KCNH8: variants seen among roughly 807,000 people sequenced by gnomAD.
KCNH8 encodes the protein potassium voltage-gated channel subfamily H member 8.
A neutral mutation model predicts 103.6 loss-of-function variants in KCNH8; 70 were observed. The observed-to-expected ratio is 0.68, with a 90% CI of 0.56 to 0.82. KCNH8 has a LOEUF of 0.82. KCNH8 is among the 40% of genes least tolerant of loss of function. The pLI, the probability that KCNH8 is intolerant of heterozygous loss-of-function variation, is 0.00. For synonymous variants in KCNH8, 498 were observed against 489.4 expected (o/e 1.02, Z -0.23); for missense variants, 1,217 against 1,329.9 (o/e 0.92, Z 1.32).
chr3:19,448,902 G>A (rs749410959), intron 8 of KCNH8: 19 of 984,630 alleles, frequency 1.9e-5, no homozygotes, highest in Middle Eastern at 2.5e-4. Flanking sequence ...AAATATGAAC[G>A]TGCTTGACCC....
intron 1 of KCNH8, among the ~76,000 whole-genome samples, chr3:19,157,505 CTT>C (rs2063192154): frequency 6.6e-6 from 1 of 151,948 alleles, no homozygotes; most frequent in African/African-American, 2.4e-5. Context: ...ATTTAGGCCT[CTT>C]GTTTAGCTGT....
intron 11 of KCNH8, among the ~76,000 whole-genome samples, chr3:19,504,500 T>G (rs1400378088): frequency 6.6e-6 from 1 of 151,104 alleles, no homozygotes; most frequent in East Asian, 1.9e-4. Flanking sequence ...CACAAACAAC[T>G]CCACTAAAAA....
rs774419667 is a variant in KCNH8 at position 19,456,717 on chromosome 3, G to C, written c.1826-51G>C. ...GCCTGTAAGTCAAATGAGGTTATCA[G>C]TCCTAAGCTTGCTTTTTTTTTTTGA... On this transcript the variant is annotated intron_variant, in intron 10 of 15. Coordinates refer to ENST00000328405, the MANE Select transcript of KCNH8 (RefSeq NM_144633.3). The C allele has an allele frequency of 3.1e-6, 4 of 1,274,806 alleles. No individual in the cohort carries two copies. The African/African-American group carries it at 5.9e-5, about 19-fold the overall frequency. 79.0% of individuals were successfully genotyped at this position (1,274,806 alleles called of 1,614,324 possible).
intron 3 of KCNH8, among the ~76,000 whole-genome samples, chr3:19,297,549 A>G (rs1401911028): frequency 6.6e-6 from 1 of 152,222 alleles, no homozygotes; most frequent in Admixed American, 6.5e-5. Context: ...TTACAGTGAC[A>G]TATATTCCTA....
intron 3 of KCNH8, among the ~76,000 whole-genome samples, chr3:19,303,401 T>C (rs1013955512): frequency 7.2e-5 from 11 of 152,086 alleles, no homozygotes; most frequent in Admixed American, 5.2e-4. Flanking sequence ...ACTTAATAGA[T>C]CTGAGAAACC....
intron 1 of KCNH8, among the ~76,000 whole-genome samples, chr3:19,235,244 C>T (rs1041515522): frequency 7.2e-5 from 11 of 152,038 alleles, no homozygotes; most frequent in African/African-American, 1.9e-4. Context: ...TGATAGATTT[C>T]AAAAACAAAG....
intron 3 of KCNH8, among the ~76,000 whole-genome samples, chr3:19,324,718 A>G (rs2065397229): frequency 6.6e-6 from 1 of 152,232 alleles, no homozygotes; most frequent in African/African-American, 2.4e-5. Flanking sequence ...TTCCATGCTC[A>G]TGGATAGGAA....
intron 8 of KCNH8, among the ~76,000 whole-genome samples, chr3:19,444,841 C>T (rs2067339141): frequency 6.6e-6 from 1 of 151,862 alleles, no homozygotes; most frequent in Admixed American, 6.6e-5. Context: ...CACTGCAACC[C>T]TAAGTGTTTG....
At chr3:19,255,899 T>C (rs2064340676) in intron 2 of KCNH8, among the ~76,000 whole-genome samples, 1 of 152,134 alleles carries the variant, frequency 6.6e-6, no homozygotes, top group Non-Finnish European at 1.5e-5. Flanking sequence ...AGCAACAAGA[T>C]AGAAGGAACC....
At chr3:19,246,541 CT>C (rs1018604119) in intron 1 of KCNH8, among the ~76,000 whole-genome samples, 2 of 151,944 alleles carry the variant, frequency 1.3e-5, no homozygotes, top group African/African-American at 4.8e-5. Flanking sequence ...TCCCAAAGTG[CT>C]GGGATTACAG....
intron 3 of KCNH8, among the ~76,000 whole-genome samples, chr3:19,288,264 A>C (rs181565853): frequency 1.8e-3 from 236 of 134,354 alleles, no homozygotes; most frequent in Admixed American, 6.9e-3. Context: ...CTTTTGGGGT[A>C]CATGTGCACA....
intron 11 of KCNH8, among the ~76,000 whole-genome samples, chr3:19,482,003 C>T (rs1180205929): frequency 6.6e-6 from 1 of 152,276 alleles, no homozygotes. Context: ...AGACTCACGT[C>T]TCCAAAAACC....
At chr3:19,273,499 A>T (rs2064619842) in intron 2 of KCNH8, among the ~76,000 whole-genome samples, 2 of 152,150 alleles carry the variant, frequency 1.3e-5, no homozygotes, top group Non-Finnish European at 2.9e-5. Flanking sequence ...ATTGGGGCTT[A>T]GTTCTCTTTG....
At chr3:19,478,460 T>C (rs575892979) in intron 11 of KCNH8, among the ~76,000 whole-genome samples, 2 of 152,288 alleles carry the variant, frequency 1.3e-5, no homozygotes, top group Middle Eastern at 3.4e-3. Context: ...TGACTTTTAA[T>C]AATAGCCATT....
chr3:19,513,412 T>C, intron 13 of KCNH8, 87 bp downstream of exon 13: 1 of 1,474,964 alleles, frequency 6.8e-7, no homozygotes, highest in Non-Finnish European at 9.1e-7. Flanking sequence ...TCTGAGCCTT[T>C]CTACTCCACA....
In KCNH8 at chr3:19,170,812, T is replaced by TATA. The variant is rs1559407203; in HGVS notation, c.76+22017_76+22018insATA. Among the ~76,000 whole-genome samples the TATA allele has an allele frequency of 1.3e-4, 13 of 101,512 alleles. 1 individual carries two copies. The highest frequency in any genetic ancestry group is 3.0e-4 in the South Asian group (1 of 3,362). The allele number at this position is 101,512 out of a possible 152,430, so 66.6% of individuals were successfully genotyped here. ...CACATATATATATATATATATATAT[T>TATA]TTTTTTTTTTTTTTTGAGACGAAGT... On this transcript the variant is annotated intron_variant, in intron 1 of 15. Transcript: ENST00000328405.
chr3:19,201,469 T>A (rs1480114551), intron 1 of KCNH8, among the ~76,000 whole-genome samples: 1 of 152,012 alleles, frequency 6.6e-6, no homozygotes, highest in Non-Finnish European at 1.5e-5. Flanking sequence ...ATGCTGTATG[T>A]CCGTTTTATA....
intron 1 of KCNH8, among the ~76,000 whole-genome samples, chr3:19,234,837 A>T (rs2064043867): frequency 1.3e-5 from 2 of 152,210 alleles, no homozygotes; most frequent in Admixed American, 1.3e-4. Flanking sequence ...TCCCAGTCTG[A>T]GTGAGTGTGG....
At chr3:19,194,494 G>T (rs767030598) in intron 1 of KCNH8, among the ~76,000 whole-genome samples, 18 of 151,792 alleles carry the variant, frequency 1.2e-4, no homozygotes, top group Non-Finnish European at 1.6e-4. Context: ...CCTAATGAAA[G>T]AAGTGCTTAT....
Sources: gnomAD v4.1 joint callset for allele counts (sites outside exome capture counted in the v4.1 genomes callset) on GRCh38, gnomAD v4.1.1 for gene constraint, MANE v1.5 for transcripts, NCBI Gene and HGNC (gene_info 2026-07-23, HGNC 2026-07-21) for gene names.